The following DNER variants were observed in gnomAD, a reference collection of about 807,000 sequenced individuals.
DNER encodes the protein delta and Notch-like epidermal growth factor-related receptor.
Under a neutral mutation model 78.2 loss-of-function variants are expected in DNER, and 33 were observed. The ratio of observed to expected loss-of-function variants is 0.42; its 90% CI spans 0.32 to 0.56. DNER has a LOEUF of 0.56. Among genes scored for constraint, DNER ranks in the 20% least tolerant of loss-of-function variants. The pLI is 0.11. For missense variants in DNER, 918 were observed against 975.3 expected (o/e 0.94, Z 0.78); for synonymous variants, 417 against 384.8 (o/e 1.08, Z -0.98).
chr2:229,588,883 A>G (rs1345466018), intron 2 of DNER, among the ~76,000 whole-genome samples: 1 of 152,194 alleles, frequency 6.6e-6, no homozygotes, highest in African/African-American at 2.4e-5. Flanking sequence ...CAGCAGGTAA[A>G]AGCCTAATGA....
intron 1 of DNER, among the ~76,000 whole-genome samples, chr2:229,617,744 A>C (rs1698190845): frequency 6.6e-6 from 1 of 152,188 alleles, no homozygotes; most frequent in Non-Finnish European, 1.5e-5. Flanking sequence ...ACTTGAGCCC[A>C]GGAGTTCAAG....
At chr2:229,545,468 G>A (rs1309372166) in intron 5 of DNER, among the ~76,000 whole-genome samples, 1 of 152,220 alleles carries the variant, frequency 6.6e-6, no homozygotes, top group African/African-American at 2.4e-5. Flanking sequence ...CCAGCTACTT[G>A]GGAGGCTGAG....
chr2:229,395,656 T>A (rs1045165269), intron 10 of DNER, among the ~76,000 whole-genome samples: 5 of 152,166 alleles, frequency 3.3e-5, no homozygotes, highest in African/African-American at 9.7e-5. Context: ...CCCAGCACTT[T>A]GGGAGGCTGA....
At chr2:229,681,038 G>A (rs917577339) in intron 1 of DNER, among the ~76,000 whole-genome samples, 3 of 152,218 alleles carry the variant, frequency 2.0e-5, no homozygotes, top group Non-Finnish European at 2.9e-5. Flanking sequence ...CTCCAAAGGA[G>A]AGGCATATAT....
chr2:229,661,115 T>C (rs1171843654), intron 1 of DNER, among the ~76,000 whole-genome samples: 1 of 152,198 alleles, frequency 6.6e-6, no homozygotes, highest in Non-Finnish European at 1.5e-5. Flanking sequence ...TTTTTACTGA[T>C]GACTCATAAG....
intron 1 of DNER, among the ~76,000 whole-genome samples, chr2:229,609,332 C>G (rs768944776): frequency 6.6e-6 from 1 of 152,184 alleles, no homozygotes; most frequent in Non-Finnish European, 1.5e-5. Context: ...CCAAATCTGA[C>G]CTGCAACCTG....
At chr2:229,486,591 A>T (rs1157955305) in intron 6 of DNER, among the ~76,000 whole-genome samples, 1 of 152,202 alleles carries the variant, frequency 6.6e-6, no homozygotes, top group Non-Finnish European at 1.5e-5. Context: ...GGAATTAAAG[A>T]TTATGATTAT....
At chr2:229,499,818 C>T (rs955167882) in intron 6 of DNER, among the ~76,000 whole-genome samples, 2 of 151,882 alleles carry the variant, frequency 1.3e-5, no homozygotes, top group African/African-American at 4.8e-5. Context: ...GCAAACCACA[C>T]GTCTGATAAA....
chr2:229,371,143 CT>C (rs1206565540), intron 11 of DNER, among the ~76,000 whole-genome samples: 1 of 152,184 alleles, frequency 6.6e-6, no homozygotes, highest in Non-Finnish European at 1.5e-5. Context: ...TCATCTAAAA[CT>C]TTTTTGATAC....
intron 1 of DNER, among the ~76,000 whole-genome samples, chr2:229,656,105 T>A (rs1698907089): frequency 6.6e-6 from 1 of 152,116 alleles, no homozygotes; most frequent in African/African-American, 2.4e-5. Context: ...ACCCAGCGTG[T>A]GATAATGTAT....
intron 1 of DNER, among the ~76,000 whole-genome samples, chr2:229,708,105 T>C (rs1699856736): frequency 6.6e-6 from 1 of 152,176 alleles, no homozygotes; most frequent in African/African-American, 2.4e-5. Context: ...ATCTATACCA[T>C]TTGAGGAGGG....
intron 1 of DNER, among the ~76,000 whole-genome samples, chr2:229,597,421 C>G: frequency 6.6e-6 from 1 of 151,984 alleles, no homozygotes; most frequent in Non-Finnish European, 1.5e-5. Flanking sequence ...TTTTAAAGTT[C>G]GTATTTGTAT....
chr2:229,638,927 A>T (rs1342730363), intron 1 of DNER, among the ~76,000 whole-genome samples: 1 of 152,224 alleles, frequency 6.6e-6, no homozygotes, highest in East Asian at 1.9e-4. Context: ...CCAGGTCTCC[A>T]GGCTTCTGCT....
intron 6 of DNER, among the ~76,000 whole-genome samples, chr2:229,480,598 A>C (rs977404245): frequency 6.6e-6 from 1 of 152,224 alleles, no homozygotes. Context: ...CAAGTTCGGT[A>C]AGATTTCAAT....
chr2:229,430,869 T>C (rs10178629), intron 8 of DNER, among the ~76,000 whole-genome samples: 123,509 of 151,654 alleles, frequency 0.81, 54,361 homozygotes, highest in East Asian at 1. Flanking sequence ...ACAGATAATA[T>C]TAGAAAAACC....
At chr2:229,432,991 G>A (rs1022146550) in intron 8 of DNER, among the ~76,000 whole-genome samples, 1 of 152,162 alleles carries the variant, frequency 6.6e-6, no homozygotes, top group African/African-American at 2.4e-5. Flanking sequence ...CCAGGCTGGA[G>A]TGCAAAGGCG....
Position 229,529,234 on chromosome 2 carries a change from A to G in DNER, c.994-16298T>C, listed in dbSNP as rs148927570. 3.5e-3 allele frequency among the ~76,000 whole-genome samples: 530 copies of G among 152,284 alleles called. 4 individuals are homozygous for G. Among genetic ancestry groups the G allele is most frequent in the African/African-American group, 0.012 (510 of 41,546 alleles). ...ATCCCCAAATCTACCATATGTGAAG[A>G]AATCCTAACAATAGAGGAGCGAGCT... On this transcript the variant is annotated intron_variant, in intron 5 of 12. Coordinates refer to ENST00000341772, the MANE Select transcript of DNER (RefSeq NM_139072.4).
At chr2:229,518,486 A>C (rs1447009648) in intron 5 of DNER, among the ~76,000 whole-genome samples, 1 of 152,234 alleles carries the variant, frequency 6.6e-6, no homozygotes, top group Admixed American at 6.5e-5. Context: ...AATTGATACG[A>C]GGAGACAGAG....
chr2:229,370,726 C>T (rs1475673925), intron 11 of DNER, among the ~76,000 whole-genome samples: 7 of 152,186 alleles, frequency 4.6e-5, no homozygotes, highest in Admixed American at 1.3e-4. Flanking sequence ...TATGTTATAA[C>T]ATCCATTTAG....
Sources: allele counts gnomAD v4.1 joint callset (sites outside exome capture counted in the v4.1 genomes callset), GRCh38; gene constraint gnomAD v4.1.1; transcripts MANE v1.5; gene names NCBI Gene and HGNC (gene_info 2026-07-23, HGNC 2026-07-21).